The following SLC25A48 variants were observed in gnomAD, a reference collection of about 807,000 sequenced individuals.
The protein encoded by SLC25A48 is solute carrier family 25 member 48.
A neutral mutation model predicts 32.2 loss-of-function variants in SLC25A48; 29 were observed. That is an observed-to-expected ratio of 0.90 (90% confidence interval 0.67 to 1.23). The LOEUF is 1.23. Ranked by LOEUF, SLC25A48 falls within the 50% of genes most tolerant of loss-of-function variation. The pLI is 0.00. For synonymous variants in SLC25A48, 164 were observed against 172.3 expected (o/e 0.95, Z 0.38); for missense variants, 399 against 422.7 (o/e 0.94, Z 0.49).
rs1354042744 is a variant in SLC25A48, at chr5:135,611,443, G to A, written c.-848-17794G>A. Among the ~76,000 whole-genome samples, 39 of 128,464 alleles carry A rather than the reference G, an allele frequency of 3.0e-4. 1 individual carries two copies. In the Admixed American group the frequency reaches 3.6e-3, roughly 12 times the overall value. The allele number at this position is 128,464 out of a possible 152,430, so 84.3% of individuals were successfully genotyped here. A position where few individuals can be genotyped will look rare whatever the true frequency, so the allele number is the denominator to read the frequency against. Reference sequence around the variant, plus strand: ...GGCGGGAGAATGGAGCTTGCAGCGAGCTGAGATTGTGCCACTGCACTCCAG... The same window carrying A: ...GGCGGGAGAATGGAGCTTGCAGCGAACTGAGATTGTGCCACTGCACTCCAG... On this transcript the variant is annotated intron_variant, in intron 1 of 10. Transcript: ENST00000646290.
chr5:135,860,430 G>A (rs986730186), intron 4 of SLC25A48, among the ~76,000 whole-genome samples: 2 of 152,208 alleles, frequency 1.3e-5, no homozygotes, highest in African/African-American at 4.8e-5. Context: ...AGCTGGGAGT[G>A]GTGGGGACTG....
At chr5:135,711,533 T>C in intron 3 of SLC25A48, among the ~76,000 whole-genome samples, 1 of 152,208 alleles carries the variant, frequency 6.6e-6, no homozygotes, top group South Asian at 2.1e-4. Flanking sequence ...CCATGTGATC[T>C]GCTAGATTCA....
intron 3 of SLC25A48, among the ~76,000 whole-genome samples, chr5:135,757,626 T>C (rs189015237): frequency 6.7e-5 from 10 of 149,606 alleles, no homozygotes; most frequent in Non-Finnish European, 1.5e-5. Flanking sequence ...TAATAAAATA[T>C]CTAGATATTA....
At chr5:135,724,835 A>ACAG (rs1021074129) in intron 3 of SLC25A48, among the ~76,000 whole-genome samples, 71 of 152,350 alleles carry the variant, frequency 4.7e-4, no homozygotes, top group African/African-American at 1.7e-3. Context: ...ATGTAACCAG[A>ACAG]CAGCCCATGG....
intron 7 of SLC25A48, among the ~76,000 whole-genome samples, chr5:135,881,663 C>G (rs980488211): frequency 6.6e-6 from 1 of 152,182 alleles, no homozygotes; most frequent in African/African-American, 2.4e-5. Context: ...CCCCTTTTAA[C>G]AGAGAAAAGT....
chr5:135,782,963 A>G (rs7728735), intron 3 of SLC25A48, among the ~76,000 whole-genome samples: 1,857 of 104,804 alleles, frequency 0.018, 261 homozygotes, highest in African/African-American at 0.046. Context: ...CCACTGTGAT[A>G]TTGTTCCTAA....
chr5:135,787,140 T>C (rs1756867956), intron 3 of SLC25A48, among the ~76,000 whole-genome samples: 1 of 151,974 alleles, frequency 6.6e-6, no homozygotes, highest in Non-Finnish European at 1.5e-5. Context: ...ACCATGGGTG[T>C]GCACCCTGTG....
At chr5:135,645,985 A>T (rs1213105638) in intron 3 of SLC25A48, among the ~76,000 whole-genome samples, 4 of 152,208 alleles carry the variant, frequency 2.6e-5, no homozygotes, top group African/African-American at 7.2e-5. Flanking sequence ...GGCCACAGGA[A>T]TTCATTCTTA....
chr5:135,868,822 A>G (rs995001836), intron 4 of SLC25A48, among the ~76,000 whole-genome samples: 10 of 152,172 alleles, frequency 6.6e-5, no homozygotes, highest in Non-Finnish European at 1.3e-4. Flanking sequence ...AGCAGACACA[A>G]TGTTACCAGA....
chr5:135,832,638 T>A (rs1260897042), upstream of SLC25A48, among the ~76,000 whole-genome samples: 5 of 152,130 alleles, frequency 3.3e-5, no homozygotes, highest in African/African-American at 1.2e-4. Flanking sequence ...AGATGGATTG[T>A]CTCCTCTCAA....
intron 4 of SLC25A48, among the ~76,000 whole-genome samples, chr5:135,859,888 C>T (rs1446453180): frequency 6.6e-6 from 1 of 152,120 alleles, no homozygotes; most frequent in Non-Finnish European, 1.5e-5. Context: ...ATGTTATCGG[C>T]AGGAGTAATT....
At chr5:135,789,530 G>T (rs1756965649) in intron 3 of SLC25A48, among the ~76,000 whole-genome samples, 1 of 151,792 alleles carries the variant, frequency 6.6e-6, no homozygotes, top group South Asian at 2.1e-4. Flanking sequence ...AGGGGAGAGG[G>T]TGGTATTACT....
At chr5:135,720,671 G>C (rs1754929736) in intron 3 of SLC25A48, among the ~76,000 whole-genome samples, 2 of 152,150 alleles carry the variant, frequency 1.3e-5, no homozygotes, top group East Asian at 1.9e-4. Flanking sequence ...GTGGATCCTG[G>C]TCACATGATC....
chr5:135,606,184 A>G (rs1190179452), intron 1 of SLC25A48, among the ~76,000 whole-genome samples: 3 of 152,182 alleles, frequency 2.0e-5, no homozygotes, highest in Non-Finnish European at 4.4e-5. Context: ...CTCCTGCTCT[A>G]CCAGGCTTAC....
chr5:135,596,479 G>A (rs1195751200), intron 1 of SLC25A48, among the ~76,000 whole-genome samples: 1 of 152,148 alleles, frequency 6.6e-6, no homozygotes, highest in Non-Finnish European at 1.5e-5. Flanking sequence ...CAAGACCGAG[G>A]GTTTAGCCTC....
intron 3 of SLC25A48, among the ~76,000 whole-genome samples, chr5:135,670,775 C>T (rs17679727): frequency 0.19 from 28,144 of 152,062 alleles, 2,818 homozygotes; most frequent in Middle Eastern, 0.3. Context: ...TGGAAGCAGA[C>T]GCTCTTTGCC....
At chr5:135,703,252 C>T (rs1754433486) in intron 3 of SLC25A48, among the ~76,000 whole-genome samples, 1 of 152,138 alleles carries the variant, frequency 6.6e-6, no homozygotes, top group South Asian at 2.1e-4. Context: ...GGAATTGCCC[C>T]AAAGGCAAAC....
intron 3 of SLC25A48, among the ~76,000 whole-genome samples, chr5:135,810,905 C>T (rs114090132): frequency 0.024 from 3,651 of 152,308 alleles, 107 homozygotes; most frequent in Admixed American, 0.084. Context: ...ATGTTTCTCA[C>T]TGAATCCAGG....
intron 2 of SLC25A48, among the ~76,000 whole-genome samples, chr5:135,634,363 A>G (rs1752648358): frequency 6.6e-6 from 1 of 152,372 alleles, no homozygotes; most frequent in South Asian, 2.1e-4. Context: ...AATACCTTCT[A>G]GAGCTGAGCT....
Sources: allele counts gnomAD v4.1 joint callset (sites outside exome capture counted in the v4.1 genomes callset), GRCh38; gene constraint gnomAD v4.1.1; transcripts MANE v1.5; gene names NCBI Gene and HGNC (gene_info 2026-07-23, HGNC 2026-07-21).